The following PALLD variants were observed in gnomAD, a reference collection of about 807,000 sequenced individuals.
PALLD encodes the protein palladin, cytoskeletal associated protein, also known as palladin.
A neutral mutation model predicts 123.5 loss-of-function variants in PALLD; 61 were observed. The observed-to-expected ratio is 0.49, with a 90% CI of 0.40 to 0.61. The LOEUF (loss-of-function observed/expected upper bound fraction) is 0.61. Among genes scored for constraint, PALLD ranks in the 20% least tolerant of loss-of-function variants. The pLI, the probability that PALLD is intolerant of heterozygous loss-of-function variation, is 0.00. For synonymous variants in PALLD, 465 were observed against 496.4 expected, an observed-to-expected ratio of 0.94 and a Z score of 0.84; for missense variants, 1,273 against 1,377.0, an observed-to-expected ratio of 0.92 and a Z score of 1.20.
At chr4:168,664,945 G>T (rs1162638950) in intron 2 of PALLD, among the ~76,000 whole-genome samples, 1 of 152,148 alleles carries the variant, frequency 6.6e-6, no homozygotes, top group African/African-American at 2.4e-5. Flanking sequence ...TGTGACTTTA[G>T]GAAAGTCATT....
intron 10 of PALLD, among the ~76,000 whole-genome samples, chr4:168,824,326 T>G (rs1050417786): frequency 6.6e-6 from 1 of 152,210 alleles, no homozygotes; most frequent in Non-Finnish European, 1.5e-5. Flanking sequence ...TTAAATGATA[T>G]TCTAAACTCT....
intron 1 of PALLD, among the ~76,000 whole-genome samples, chr4:168,508,358 C>T (rs535710046): frequency 1.3e-5 from 2 of 152,210 alleles, no homozygotes; most frequent in African/African-American, 4.8e-5. Context: ...TATTAAGTTC[C>T]ATGAGGGCAA....
chr4:168,801,946 T>C (rs1257517772), intron 10 of PALLD, among the ~76,000 whole-genome samples: 1 of 152,244 alleles, frequency 6.6e-6, no homozygotes, highest in African/African-American at 2.4e-5. Context: ...TATTGATTTG[T>C]AAGAGTTCTA....
intron 2 of PALLD, among the ~76,000 whole-genome samples, chr4:168,536,920 G>A (rs186469980): frequency 1.3e-5 from 2 of 151,028 alleles, no homozygotes; most frequent in Admixed American, 1.3e-4. Context: ...CTCCACCTCC[G>A]GGGTTCAAGC....
At chr4:168,780,388 A>G (rs1426807475) in intron 10 of PALLD, among the ~76,000 whole-genome samples, 1 of 152,224 alleles carries the variant, frequency 6.6e-6, no homozygotes, top group South Asian at 2.1e-4. Context: ...TTGCTCTCTG[A>G]AGATTTTAAT....
At chr4:168,840,819 G>A (rs1055888146) in intron 10 of PALLD, among the ~76,000 whole-genome samples, 2 of 152,068 alleles carry the variant, frequency 1.3e-5, no homozygotes, top group African/African-American at 4.8e-5. Context: ...GTTGGGTAGG[G>A]TAGATATCCT....
At chr4:168,676,736 C>T (rs1403689360) in intron 3 of PALLD, among the ~76,000 whole-genome samples, 1 of 139,616 alleles carries the variant, frequency 7.2e-6, no homozygotes, top group Non-Finnish European at 1.5e-5. Flanking sequence ...CCATGCCCAT[C>T]TAATTTTTTT....
rs1769775489 is a variant in PALLD at position 168,577,730 on chromosome 4, ATT to A, written c.908+65320_908+65321del. Among the ~76,000 whole-genome samples, 3 of 147,636 alleles carry A rather than the reference ATT, an allele frequency of 2.0e-5. No homozygotes were observed. The South Asian group carries it at 6.3e-4, about 31-fold the overall frequency. ...TGGAGGACCCAAGAGTAGAGAGGCAATTTGGAAACTGAAAGAAAGGCTAAATT... is the reference window on the plus strand; with the variant it reads ...TGGAGGACCCAAGAGTAGAGAGGCAATGGAAACTGAAAGAAAGGCTAAATT... On this transcript the variant is annotated intron_variant, in intron 2 of 21. Transcript: ENST00000505667.
intron 10 of PALLD, among the ~76,000 whole-genome samples, chr4:168,780,264 C>T (rs1289697208): frequency 6.6e-6 from 1 of 152,212 alleles, no homozygotes; most frequent in East Asian, 1.9e-4. Flanking sequence ...ATTTTCCCCT[C>T]TTTTCCCTTA....
rs191523430 is a variant in PALLD, at chr4:168,660,379, G to A, written c.909-7811G>A. On this transcript the variant is annotated intron_variant, in intron 2 of 21. Transcript: ENST00000505667. ...CCTTTAACAACTGGACTCAGACCAA[G>A]TCAGCAGTCACATTTAACCTCACCT... Among the ~76,000 whole-genome samples, 1,321 of 152,270 alleles carry A rather than the reference G, an allele frequency of 8.7e-3. 20 individuals are homozygous for A. Among genetic ancestry groups the A allele is most frequent in the African/African-American group, 0.03 (1,232 of 41,550 alleles).
chr4:168,629,058 C>A (rs1775570975), intron 2 of PALLD, among the ~76,000 whole-genome samples: 1 of 151,324 alleles, frequency 6.6e-6, no homozygotes, highest in East Asian at 1.9e-4. Flanking sequence ...CTCTTGTCGC[C>A]CAGGCTGGAG....
intron 2 of PALLD, among the ~76,000 whole-genome samples, chr4:168,544,000 A>G (rs1460582185): frequency 1.3e-5 from 2 of 152,246 alleles, no homozygotes; most frequent in African/African-American, 2.4e-5. Context: ...ATTGTTTTAT[A>G]TATATTCTTT....
chr4:168,577,980 G>A (rs568106998), intron 2 of PALLD, among the ~76,000 whole-genome samples: 12 of 152,004 alleles, frequency 7.9e-5, no homozygotes, highest in Non-Finnish European at 1.2e-4. Context: ...ATCACTTCCT[G>A]GAGAAAATGT....
intron 2 of PALLD, among the ~76,000 whole-genome samples, chr4:168,644,439 G>A (rs1351377159): frequency 6.6e-6 from 1 of 152,054 alleles, no homozygotes; most frequent in African/African-American, 2.4e-5. Context: ...TGTCCCAAGG[G>A]GTTAAACAGA....
At chr4:168,867,926 A>G (rs1368766354) in intron 10 of PALLD, among the ~76,000 whole-genome samples, 1 of 152,034 alleles carries the variant, frequency 6.6e-6, no homozygotes, top group African/African-American at 2.4e-5. Flanking sequence ...AAAAGAAAAA[A>G]AAAATTCTGA....
intron 2 of PALLD, among the ~76,000 whole-genome samples, chr4:168,645,159 A>T (rs547676150): frequency 1.4e-4 from 21 of 152,218 alleles, no homozygotes; most frequent in African/African-American, 4.1e-4. Flanking sequence ...TCTTCCACTA[A>T]ATATCAGTAT....
At chr4:168,915,707 T>C (rs1420950261) in intron 16 of PALLD, among the ~76,000 whole-genome samples, 188 bp from the exon 17 acceptor site, 1 of 152,224 alleles carries the variant, frequency 6.6e-6, no homozygotes, top group Non-Finnish European at 1.5e-5. Flanking sequence ...GACAATTAAA[T>C]TTATAGTAAA....
chr4:168,759,195 AAAAAAAAATATATATAT>A (rs1732392396), intron 10 of PALLD, among the ~76,000 whole-genome samples: 1 of 32,764 alleles, frequency 3.1e-5, no homozygotes, highest in Non-Finnish European at 5.9e-5. Context: ...AAAAAAAAAA[AAAAAAAAATATATATAT>A]ATATATATAT....
chr4:168,665,886 G>A (rs1561368169), intron 2 of PALLD, among the ~76,000 whole-genome samples: 1 of 151,834 alleles, frequency 6.6e-6, no homozygotes, highest in Non-Finnish European at 1.5e-5. Flanking sequence ...CATATAATAT[G>A]TTGCAACTAC....
Sources: gnomAD v4.1 joint callset for allele counts (sites outside exome capture counted in the v4.1 genomes callset) on GRCh38, gnomAD v4.1.1 for gene constraint, MANE v1.5 for transcripts, NCBI Gene and HGNC (gene_info 2026-07-23, HGNC 2026-07-21) for gene names.